Variants in CABP7 observed in about 807,000 individuals in gnomAD.
CABP7 encodes calcium-binding protein 7.
A neutral mutation model predicts 23.1 loss-of-function variants in CABP7; 13 were observed. That is an observed-to-expected ratio of 0.56 (90% CI 0.37 to 0.90). CABP7 has a LOEUF of 0.90. Ranked by LOEUF, CABP7 falls within the 40% of genes least tolerant of loss-of-function variation. The probability of loss-of-function intolerance (pLI) is 0.01; values close to 1 mark genes in which losing one functional copy is unlikely to be tolerated. For missense variants in CABP7, 248 were observed against 295.6 expected (o/e 0.84, Z 1.18); for synonymous variants, 123 against 115.3 (o/e 1.07, Z -0.43).
chr22:29,725,466 GAA>G (rs2067788990), intron 1 of CABP7, among the ~76,000 whole-genome samples: 1 of 151,858 alleles, frequency 6.6e-6, no homozygotes, highest in Non-Finnish European at 1.5e-5. Flanking sequence ...GTTTATGCTC[GAA>G]GAGGCAGGCC....
At chr22:29,729,413 TC>T in intron 4 of CABP7, 28 bp from the exon 5 acceptor site, 1 of 1,605,752 alleles carries the variant, frequency 6.2e-7, no homozygotes. Flanking sequence ...CCCTTCTGTC[TC>T]CCCGGTGCTC....
Position 29,729,091 on chromosome 22 carries a change from C to A in CABP7, c.403C>A (p.Arg135=). The part of the protein sequence containing the change: ...MQKLTVDELK[R]LLYDTFCEHL... ...GAAGCTGACGGTGGATGAGCTGAAG[C>A]GGCTGCTCTACGACACCTTCTGCGA... Residue 135 remains arginine, a synonymous_variant, in exon 4 of 5, where the codon CGG becomes AGG. Coordinates refer to ENST00000216144, the MANE Select transcript of CABP7 (RefSeq NM_182527.3). The A allele has an allele frequency of 6.2e-7, 1 of 1,611,526 alleles. No individual in the cohort carries two copies. Among genetic ancestry groups the A allele is most frequent in the Non-Finnish European group, 8.5e-7 (1 of 1,179,912 alleles).
chr22:29,729,330 C>G (rs954458755), intron 4 of CABP7, 112 bp from the exon 5 acceptor site: 5 of 1,575,282 alleles, frequency 3.2e-6, no homozygotes, highest in Non-Finnish European at 4.3e-6. Context: ...AGCCTCTGTC[C>G]CATTGGGGCA....
chr22:29,729,363 C>CCGA (rs1350253778), intron 4 of CABP7, 79 bp from the exon 5 acceptor site: 2 of 1,584,414 alleles, frequency 1.3e-6, no homozygotes, highest in East Asian at 4.5e-5. Context: ...AGCCCATGTG[C>CCGA]CGAAGGGCAG....
At position 29,727,962 on chromosome 22, in the gene CABP7, G is replaced by A. The variant is rs554883372; in HGVS notation, c.253+157G>A. On this transcript the variant is annotated intron_variant, in intron 2 of 4. Coordinates refer to ENST00000216144, the MANE Select transcript of CABP7 (RefSeq NM_182527.3). This position sits in a 1 kb window ranked among gnomAD's most constrained non-coding sequence, Gnocchi z 4.2. ...CCGTGGCAGGTTGCAGCCCGGTCTGGCCCCATTTCTCAGCCTGGAGAATTG... is the reference window on the plus strand; with the variant it reads ...CCGTGGCAGGTTGCAGCCCGGTCTGACCCCATTTCTCAGCCTGGAGAATTG... 6.6e-6 allele frequency among the ~76,000 whole-genome samples: 1 copy of A among 152,298 alleles called. No individual in the cohort carries two copies. The highest frequency in any genetic ancestry group is 1.9e-4 in the East Asian group (1 of 5,184).
rs1390805060 is a variant in CABP7 at position 29,727,873 on chromosome 22, G to C, written c.253+68G>C. ...CCCTGGGGGTGGGGCAGGGGCTGGGGCCTGAGCTGCTGAGGCTGCATCCAA... is the reference window on the plus strand; with the variant it reads ...CCCTGGGGGTGGGGCAGGGGCTGGGCCCTGAGCTGCTGAGGCTGCATCCAA... On this transcript the variant is annotated intron_variant, in intron 2 of 4. Coordinates refer to ENST00000216144, the MANE Select transcript of CABP7 (RefSeq NM_182527.3). The surrounding 1 kb of genome is among the most constrained non-coding windows in gnomAD (Gnocchi z 4.2). 1.3e-6 allele frequency: 2 copies of C among 1,536,686 alleles called. No homozygotes were observed. Among genetic ancestry groups the C allele is most frequent in the East Asian group, 4.6e-5 (2 of 43,352 alleles).
rs1158951322 is a variant in CABP7, at chr22:29,720,901, A to G, written c.109+368A>G. 1.3e-5 allele frequency among the ~76,000 whole-genome samples: 2 copies of G among 151,564 alleles called. No individual in the cohort carries two copies. Among genetic ancestry groups the G allele is most frequent in the Non-Finnish European group, 2.9e-5 (2 of 67,804 alleles). ...GCGCCGGCCCGGCCGGAGCACCCGC[A>G]TCCTGATCCCCTCCGCGGCGCCCGC... On this transcript the variant is annotated intron_variant, in intron 1 of 4. Coordinates refer to ENST00000216144, the MANE Select transcript of CABP7 (RefSeq NM_182527.3). This position sits in a 1 kb window ranked among gnomAD's most constrained non-coding sequence, Gnocchi z 5.2.
intron 1 of CABP7, among the ~76,000 whole-genome samples, chr22:29,723,277 G>A (rs931986537): frequency 2.0e-5 from 3 of 152,154 alleles, no homozygotes; most frequent in Admixed American, 2.0e-4. Flanking sequence ...CTGTGGCCCT[G>A]GGGAGGCATG....
rs1319353120 is a variant in CABP7 at position 29,720,350 on chromosome 22, C to T, written c.-75C>T. The T allele has an allele frequency of 1.2e-6, 1 of 836,550 alleles. No individual in the cohort carries two copies. Among genetic ancestry groups the T allele is most frequent in the Non-Finnish European group, 1.6e-6 (1 of 637,750 alleles). 51.8% of individuals were successfully genotyped at this position (836,550 alleles called of 1,614,324 possible). ...CCGCGCGCCCCGCCCGCTCCAGCCG[C>T]CCCCGGGGCCGCCACCGGCCCATGA... On this transcript the variant is annotated 5_prime_UTR_variant, in exon 1 of 5. Coordinates refer to ENST00000216144, the MANE Select transcript of CABP7 (RefSeq NM_182527.3). The surrounding 1 kb of genome is among the most constrained non-coding windows in gnomAD (Gnocchi z 5.2).
chr22:29,729,114 C>G lies in CABP7; in HGVS notation c.426C>G (p.Cys142Trp), dbSNP rs749460982. 3.1e-6 allele frequency: 5 copies of G among 1,611,568 alleles called. No homozygotes were observed. Among genetic ancestry groups the G allele is most frequent in the Non-Finnish European group, 4.2e-6 (5 of 1,179,978 alleles). ...ELKRLLYDTF[C>W]EHLSMKDIEN... ...AGCGGCTGCTCTACGACACCTTCTG[C>G]GAGCACCTGTCCATGAAGGACATAG... Residue 142 changes from cysteine (C) to tryptophan (W), a missense_variant, in exon 4 of 5, where the codon TGC becomes TGG. Cys to Trp is a radical substitution (Grantham distance 215). Transcript: ENST00000216144.
chr22:29,724,584 T>C (rs1383397014), intron 1 of CABP7, among the ~76,000 whole-genome samples: 1 of 152,176 alleles, frequency 6.6e-6, no homozygotes, highest in East Asian at 1.9e-4. Context: ...GCTGCCTCCC[T>C]GGCTGGGAAG....
At chr22:29,728,607 G>C (rs1291983343) in intron 2 of CABP7, 23 bp from the exon 3 acceptor site, 3 of 1,500,964 alleles carry the variant, frequency 2.0e-6, no homozygotes, top group African/African-American at 1.4e-5. Context: ...CCCACTGATT[G>C]ATTGGACCTG....
At position 29,731,588 on chromosome 22, in the gene CABP7, A is replaced by G; in HGVS notation, c.*2019A>G. 2 of 490,834 alleles carry G rather than the reference A, an allele frequency of 4.1e-6. No homozygotes were observed. The highest frequency in any genetic ancestry group is 8.2e-5 in the East Asian group (2 of 24,512). The allele number at this position is 490,834 out of a possible 1,614,324, so 30.4% of individuals were successfully genotyped here. A position where few individuals can be genotyped will look rare whatever the true frequency, so the allele number is the denominator to read the frequency against. ...CAGGCAGACATTGAGCTGCGAGACA[A>G]TGGGAATAACCTTCGTGTCCACCTG... On this transcript the variant is annotated 3_prime_UTR_variant, in exon 5 of 5. Coordinates refer to ENST00000216144, the MANE Select transcript of CABP7 (RefSeq NM_182527.3).
rs945622075 is a variant in CABP7 at position 29,729,762 on chromosome 22, G to A, written c.*193G>A. 35 of 695,906 alleles carry A rather than the reference G, an allele frequency of 5.0e-5. No homozygotes were observed. The highest frequency in any genetic ancestry group is 2.1e-4 in the Admixed American group (7 of 33,464). The allele number at this position is 695,906 out of a possible 1,614,324, so 43.1% of individuals were successfully genotyped here. A position where few individuals can be genotyped will look rare whatever the true frequency, so the allele number is the denominator to read the frequency against. On this transcript the variant is annotated 3_prime_UTR_variant, in exon 5 of 5. Coordinates refer to ENST00000216144, the MANE Select transcript of CABP7 (RefSeq NM_182527.3). ...AGCTGTGGCCTGGCTGTGGAGGGCCGGGTGGTGGCTCTGAGGATGGTCCCC... is the reference window on the plus strand; with the variant it reads ...AGCTGTGGCCTGGCTGTGGAGGGCCAGGTGGTGGCTCTGAGGATGGTCCCC...
chr22:29,727,307 G>A lies in CABP7; in HGVS notation c.110-355G>A, dbSNP rs914794043. ...AGGAATGGGGGCGGGTGGGGAAGCC[G>A]TCAGCAGCCGCGGGGGCCGGGGAGA... On this transcript the variant is annotated intron_variant, in intron 1 of 4. Transcript: ENST00000216144. This position sits in a 1 kb window ranked among gnomAD's most constrained non-coding sequence, Gnocchi z 4.2. 2.0e-5 allele frequency among the ~76,000 whole-genome samples: 3 copies of A among 151,282 alleles called. No individual in the cohort carries two copies. Among genetic ancestry groups the A allele is most frequent in the Non-Finnish European group, 4.4e-5 (3 of 67,778 alleles).
In CABP7 at chr22:29,731,419, A is replaced by C. The variant is rs1157174233; in HGVS notation, c.*1850A>C. ...TACAGCCCAGGCTTATGCCACCCCCAGCCCACCTGCCTCACCACCCTGGCT... is the reference window on the plus strand; with the variant it reads ...TACAGCCCAGGCTTATGCCACCCCCCGCCCACCTGCCTCACCACCCTGGCT... On this transcript the variant is annotated 3_prime_UTR_variant, in exon 5 of 5. Transcript: ENST00000216144. 2.0e-6 allele frequency: 3 copies of C among 1,508,566 alleles called. No individual in the cohort carries two copies. Among genetic ancestry groups the C allele is most frequent in the Non-Finnish European group, 2.6e-6 (3 of 1,144,356 alleles). 93.4% of individuals were successfully genotyped at this position (1,508,566 alleles called of 1,614,324 possible).
In CABP7 at chr22:29,730,527, C is replaced by A. The variant is rs1404777535; in HGVS notation, c.*958C>A. On this transcript the variant is annotated 3_prime_UTR_variant, in exon 5 of 5. Coordinates refer to ENST00000216144, the MANE Select transcript of CABP7 (RefSeq NM_182527.3). ...GGGCCAAGAAACTGGCACAGCCCCA[C>A]ACTGTCAGTGCCAAGAGGCTGCGCC... The A allele has an allele frequency of 6.6e-6, 1 of 152,402 alleles. No individual in the cohort carries two copies. 9.4% of individuals were successfully genotyped at this position (152,402 alleles called of 1,614,324 possible). A position where few individuals can be genotyped will look rare whatever the true frequency, so the allele number is the denominator to read the frequency against.
chr22:29,723,193 G>C (rs566132459), intron 1 of CABP7, among the ~76,000 whole-genome samples: 1 of 152,328 alleles, frequency 6.6e-6, no homozygotes, highest in African/African-American at 2.4e-5. Context: ...GCAGGAGGCT[G>C]AGCCAGAAGG....
chr22:29,727,808 G>A lies in CABP7; in HGVS notation c.253+3G>A. The A allele has an allele frequency of 6.2e-7, 1 of 1,605,636 alleles. No individual in the cohort carries two copies. The highest frequency in any genetic ancestry group is 2.2e-5 in the East Asian group (1 of 44,466). On this transcript the variant is annotated splice_donor_region_variant and intron_variant, in intron 2 of 4. Transcript: ENST00000216144. This position sits in a 1 kb window ranked among gnomAD's most constrained non-coding sequence, Gnocchi z 4.2. ...CATCCAGCGGCTGGACATGGATGGT[G>A]AGCACCCCCCCGCCTCGGTTTCCCC...
Sources: gnomAD v4.1 joint callset for allele counts (sites outside exome capture counted in the v4.1 genomes callset) on GRCh38, gnomAD v4.1.1 for gene constraint, Gnocchi (gnomAD v3.1) non-coding constraint, MANE v1.5 for transcripts, NCBI Gene and HGNC (gene_info 2026-07-23, HGNC 2026-07-21) for gene names.